Variants in SCD5 observed in about 807,000 individuals in gnomAD.
SCD5 encodes stearoyl-CoA desaturase 5, also known as acyl-CoA-desaturase 4.
In SCD5, 20 loss-of-function variants were observed where a neutral mutation model predicts 30.4. That is an observed-to-expected ratio of 0.66 (90% CI 0.46 to 0.96). The LOEUF is 0.96. Among genes scored for constraint, SCD5 ranks in the 40% least tolerant of loss-of-function variants. The pLI is 0.00. For synonymous variants in SCD5, 173 were observed against 176.4 expected, an observed-to-expected ratio of 0.98 and a Z score of 0.16; for missense variants, 381 against 443.3, an observed-to-expected ratio of 0.86 and a Z score of 1.26.
intron 3 of SCD5, among the ~76,000 whole-genome samples, chr4:82,643,300 T>C (rs544245811): frequency 6.6e-6 from 1 of 152,308 alleles, no homozygotes; most frequent in African/African-American, 2.4e-5. Flanking sequence ...CATGAACAGA[T>C]ATCTGTATGC....
At chr4:82,734,106 C>T (rs1720697805) in intron 1 of SCD5, among the ~76,000 whole-genome samples, 1 of 152,058 alleles carries the variant, frequency 6.6e-6, no homozygotes, top group Admixed American at 6.6e-5. Context: ...GATAACACAG[C>T]AAAAATAACC....
At chr4:82,761,825 AG>A (rs1222004846) in intron 1 of SCD5, among the ~76,000 whole-genome samples, 1 of 151,062 alleles carries the variant, frequency 6.6e-6, no homozygotes, top group African/African-American at 2.4e-5. Context: ...GTGAGAATAT[AG>A]CCCCAGCCTC....
rs1459266942 is a variant in SCD5, at chr4:82,630,072, AGAGCTTAATTT to A, written c.*1244_*1254del. ...AATTAGGTGCTTAAACATTTAAACG[AGAGCTTAATTT>A]GAGCTTAATTTGATGTCTGGCATGT... On this transcript the variant is annotated 3_prime_UTR_variant, in exon 5 of 5. Transcript: ENST00000319540. 3 of 152,342 alleles carry A rather than the reference AGAGCTTAATTT, an allele frequency of 2.0e-5. No individual in the cohort carries two copies. The highest frequency in any genetic ancestry group is 4.8e-5 in the African/African-American group (2 of 41,576). 9.4% of individuals were successfully genotyped at this position (152,342 alleles called of 1,614,324 possible). A position where few individuals can be genotyped will look rare whatever the true frequency, so the allele number is the denominator to read the frequency against.
At chr4:82,665,079 T>TACA (rs1388520186) in intron 3 of SCD5, among the ~76,000 whole-genome samples, 1 of 91,214 alleles carries the variant, frequency 1.1e-5, no homozygotes, top group Non-Finnish European at 2.3e-5. Flanking sequence ...TATATATATT[T>TACA]TTTTTTTAAT....
intron 1 of SCD5, among the ~76,000 whole-genome samples, chr4:82,796,081 T>C (rs185383584): frequency 2.6e-5 from 4 of 151,768 alleles, no homozygotes; most frequent in African/African-American, 9.7e-5. Flanking sequence ...CCATCCTGGC[T>C]AACACGGTGA....
intron 1 of SCD5, among the ~76,000 whole-genome samples, chr4:82,759,575 G>A (rs1402114617): frequency 1.3e-5 from 2 of 150,588 alleles, no homozygotes; most frequent in African/African-American, 4.9e-5. Flanking sequence ...AGCTGCTCAG[G>A]AGCTAAGGCA....
chr4:82,705,204 T>TG, intron 2 of SCD5, 79 bp downstream of exon 2: 2 of 1,535,434 alleles, frequency 1.3e-6, no homozygotes, highest in East Asian at 4.5e-5. Context: ...GGTGGAGGGG[T>TG]GTCAGCCCAT....
chr4:82,785,260 C>T (rs1250320619), intron 1 of SCD5, among the ~76,000 whole-genome samples: 1 of 152,190 alleles, frequency 6.6e-6, no homozygotes, highest in Non-Finnish European at 1.5e-5. Flanking sequence ...CTGCCCTCCC[C>T]TTATTTGCCT....
At chr4:82,723,361 A>C (rs1720408742) in intron 1 of SCD5, among the ~76,000 whole-genome samples, 1 of 152,210 alleles carries the variant, frequency 6.6e-6, no homozygotes, top group African/African-American at 2.4e-5. Context: ...TTTCCATTCA[A>C]GTCTTTTAAA....
chr4:82,630,407 T>C lies in SCD5; in HGVS notation c.*920A>G, dbSNP rs1560518466. The C allele has an allele frequency of 6.6e-6, 1 of 152,226 alleles. No individual in the cohort carries two copies. The highest frequency in any genetic ancestry group is 2.4e-5 in the African/African-American group (1 of 41,450). The allele number at this position is 152,226 out of a possible 1,614,324, so 9.4% of individuals were successfully genotyped here. On this transcript the variant is annotated 3_prime_UTR_variant, in exon 5 of 5. Coordinates refer to ENST00000319540, the MANE Select transcript of SCD5 (RefSeq NM_001037582.3). Reference sequence around the variant, plus strand: ...ACAGAAACATTCTTTAGTTACCACATAGATCCCCCTTCTGTCTTCTACCCT... The same window carrying C: ...ACAGAAACATTCTTTAGTTACCACACAGATCCCCCTTCTGTCTTCTACCCT...
chr4:82,768,645 G>A (rs1285696866), intron 1 of SCD5, among the ~76,000 whole-genome samples: 3 of 152,176 alleles, frequency 2.0e-5, no homozygotes, highest in Admixed American at 2.0e-4. Context: ...TAGTGTCCTG[G>A]TTCTGGAAAG....
At chr4:82,696,591 A>G (rs567549279) in intron 2 of SCD5, among the ~76,000 whole-genome samples, 1 of 152,364 alleles carries the variant, frequency 6.6e-6, no homozygotes, top group South Asian at 2.1e-4. Context: ...TTGAGGAAAG[A>G]GGAATAACAC....
chr4:82,702,887 T>G (rs895495300), intron 2 of SCD5, among the ~76,000 whole-genome samples: 5 of 152,254 alleles, frequency 3.3e-5, no homozygotes, highest in Non-Finnish European at 5.9e-5. Flanking sequence ...AGACACTGAC[T>G]AGTTCTAGTT....
At chr4:82,685,575 T>C (rs1189483870) in intron 2 of SCD5, among the ~76,000 whole-genome samples, 1 of 151,744 alleles carries the variant, frequency 6.6e-6, no homozygotes, top group Admixed American at 6.6e-5. Context: ...TAGCCGGGCA[T>C]GGTGGTACGC....
chr4:82,646,419 T>C (rs1201836095), intron 3 of SCD5, among the ~76,000 whole-genome samples: 1 of 152,124 alleles, frequency 6.6e-6, no homozygotes, highest in African/African-American at 2.4e-5. Context: ...CATCTGAAAA[T>C]GGAGGCCCAT....
intron 1 of SCD5, among the ~76,000 whole-genome samples, chr4:82,715,181 GCACT>G: frequency 7.3e-5 from 11 of 150,634 alleles, no homozygotes; most frequent in African/African-American, 2.7e-4. Flanking sequence ...AGGTTGCAGT[GCACT>G]AAGATCATGC....
At chr4:82,655,012 T>C (rs921671956) in intron 3 of SCD5, among the ~76,000 whole-genome samples, 1 of 152,226 alleles carries the variant, frequency 6.6e-6, no homozygotes, top group Non-Finnish European at 1.5e-5. Flanking sequence ...GCCCTCACCA[T>C]GCCAGTCAGA....
intron 1 of SCD5, among the ~76,000 whole-genome samples, chr4:82,724,622 T>C (rs1255396661): frequency 6.6e-6 from 1 of 152,190 alleles, no homozygotes; most frequent in African/African-American, 2.4e-5. Context: ...AAGATATACA[T>C]GGTGGCCGTG....
At chr4:82,679,329 A>G (rs1041252086) in intron 3 of SCD5, among the ~76,000 whole-genome samples, 41 of 151,910 alleles carry the variant, frequency 2.7e-4, no homozygotes, top group African/African-American at 9.9e-4. Flanking sequence ...CTGCTATAAA[A>G]CTTGATACTG....
Sources: gnomAD v4.1 joint callset for allele counts (sites outside exome capture counted in the v4.1 genomes callset) on GRCh38, gnomAD v4.1.1 for gene constraint, MANE v1.5 for transcripts, NCBI Gene and HGNC (gene_info 2026-07-23, HGNC 2026-07-21) for gene names.